RSPH14: variants seen among roughly 807,000 people sequenced by gnomAD.
The protein encoded by RSPH14 is rhabdoid tumor deletion region gene 1.
Under a neutral mutation model 26.7 loss-of-function variants are expected in RSPH14, and 20 were observed. The observed-to-expected ratio is 0.75, with a 90% confidence interval of 0.53 to 1.09. The LOEUF (loss-of-function observed/expected upper bound fraction) is 1.09, where lower values mean the gene tolerates loss of function less well. Ranked by LOEUF, RSPH14 falls within the 50% of genes least tolerant of loss-of-function variation. RSPH14 has a pLI of 0.00. For synonymous variants in RSPH14, 177 were observed against 189.3 expected (o/e 0.93, Z 0.53); for missense variants, 449 against 457.2 (o/e 0.98, Z 0.16).
chr22:23,132,604 C>T (rs2070378128), intron 4 of RSPH14: 1 of 150,440 alleles, frequency 6.6e-6, no homozygotes, highest in Non-Finnish European at 1.5e-5. Flanking sequence ...ACTACACACC[C>T]ACCAAAATAG....
intron 4 of RSPH14, among the ~76,000 whole-genome samples, chr22:23,121,456 T>G (rs2070021633): frequency 6.6e-6 from 1 of 152,188 alleles, no homozygotes; most frequent in Non-Finnish European, 1.5e-5. Context: ...GGGCCCACCC[T>G]GTAGGAGCAG....
intron 4 of RSPH14, among the ~76,000 whole-genome samples, chr22:23,094,609 C>T (rs546419880): frequency 1.8e-4 from 27 of 152,234 alleles, no homozygotes; most frequent in Admixed American, 4.6e-4. Context: ...TGAGGCAGCC[C>T]CTGCCCACTG....
At chr22:23,153,025 C>A in the RSPH14 span, 1 of 1,608,102 alleles carries the variant, frequency 6.2e-7, no homozygotes, top group Non-Finnish European at 8.5e-7. Context: ...CTTCCTCATC[C>A]CCCACAGGTT....
intron 4 of RSPH14, among the ~76,000 whole-genome samples, chr22:23,104,279 C>A (rs2069394371): frequency 6.6e-6 from 1 of 152,164 alleles, no homozygotes; most frequent in Non-Finnish European, 1.5e-5. Context: ...CCCAGTGTGG[C>A]CCAGGGTGGG....
At chr22:23,130,041 GAGAA>G (rs1313437785) in intron 4 of RSPH14, among the ~76,000 whole-genome samples, 17 of 139,422 alleles carry the variant, frequency 1.2e-4, no homozygotes, top group East Asian at 4.1e-4. Flanking sequence ...AGGGAAGGGA[GAGAA>G]AGAAAGAGAA....
At chr22:23,099,243 G>A (rs898346269) in intron 4 of RSPH14, among the ~76,000 whole-genome samples, 1 of 152,280 alleles carries the variant, frequency 6.6e-6, no homozygotes, top group Non-Finnish European at 1.5e-5. Flanking sequence ...TGAGTGCAGG[G>A]CAGCACCTCA....
chr22:23,123,641 A>G lies in RSPH14; in HGVS notation c.421+10385T>C, dbSNP rs141494247. The G allele has an allele frequency of 2.2e-3, 1,310 of 584,030 alleles. 11 individuals carry two copies. Among genetic ancestry groups the G allele is most frequent in the African/African-American group, 0.02 (1,092 of 53,760 alleles). The allele number at this position is 584,030 out of a possible 1,614,324, so 36.2% of individuals were successfully genotyped here. ...GGTAGATAGACACACACACATGCAC[A>G]CACACACATCTGGAGATGGCAAAAT... On this transcript the variant is annotated intron_variant, in intron 4 of 6. Coordinates refer to ENST00000216036, the MANE Select transcript of RSPH14 (RefSeq NM_014433.3).
At chr22:23,159,708 G>A in the RSPH14 span, among the ~76,000 whole-genome samples, 1 of 152,200 alleles carries the variant, frequency 6.6e-6, no homozygotes, top group Non-Finnish European at 1.5e-5. Context: ...TGCCAGGCAT[G>A]TGACATCACC....
chr22:23,154,181 G>A, the RSPH14 span, among the ~76,000 whole-genome samples: 2 of 151,840 alleles, frequency 1.3e-5, no homozygotes, highest in African/African-American at 4.8e-5. Flanking sequence ...GCCTGGGCTC[G>A]GGCCCTCACC....
At chr22:23,124,360 G>A (rs897654405) in intron 4 of RSPH14, 1 of 458,206 alleles carries the variant, frequency 2.2e-6, no homozygotes, top group Non-Finnish European at 4.6e-6. Flanking sequence ...GGCTTGCTGA[G>A]TGTAAAAGTT....
the RSPH14 span, chr22:23,150,152 C>A: frequency 3.9e-5 from 63 of 1,609,450 alleles, no homozygotes; most frequent in Non-Finnish European, 5.3e-5. Flanking sequence ...CGGGGACTGT[C>A]GGGTGAGCCT....
At chr22:23,076,767 G>A (rs2146257323) in intron 4 of RSPH14, among the ~76,000 whole-genome samples, 1 of 152,370 alleles carries the variant, frequency 6.6e-6, no homozygotes, top group African/African-American at 2.4e-5. Context: ...AGGTAGTAAA[G>A]GAACATGATG....
At chr22:23,061,286 G>T (rs1569151253) in intron 6 of RSPH14, among the ~76,000 whole-genome samples, 1 of 152,180 alleles carries the variant, frequency 6.6e-6, no homozygotes, top group Non-Finnish European at 1.5e-5. Context: ...ACAGCCCAGG[G>T]TTCTTCCATG....
At chr22:23,078,075 G>A (rs2068554888) in intron 4 of RSPH14, among the ~76,000 whole-genome samples, 1 of 152,234 alleles carries the variant, frequency 6.6e-6, no homozygotes, top group Non-Finnish European at 1.5e-5. Context: ...TGGCCCTGTA[G>A]AGTGGCTACC....
chr22:23,120,489 GTTTCC>G (rs899390854), intron 4 of RSPH14, among the ~76,000 whole-genome samples: 1 of 152,154 alleles, frequency 6.6e-6, no homozygotes, highest in African/African-American at 2.4e-5. Context: ...CACGTGAACT[GTTTCC>G]GCATCAGTGA....
At chr22:23,171,357 C>T in the RSPH14 span, among the ~76,000 whole-genome samples, 5,283 of 152,216 alleles carry the variant, frequency 0.035, 117 homozygotes, top group Non-Finnish European at 0.052. Flanking sequence ...TGATGCTGAA[C>T]TTAGTGCAGA....
chr22:23,131,080 C>G (rs1569193465), intron 4 of RSPH14: 1 of 153,080 alleles, frequency 6.5e-6, no homozygotes, highest in African/African-American at 2.4e-5. Flanking sequence ...ACAAGCCTGC[C>G]AGCCTGGGAT....
chr22:23,090,842 C>G (rs2068950671), intron 4 of RSPH14, among the ~76,000 whole-genome samples: 1 of 152,222 alleles, frequency 6.6e-6, no homozygotes, highest in Non-Finnish European at 1.5e-5. Context: ...TAGTCTGACT[C>G]CTGCCCTCCC....
chr22:23,157,769 G>A, the RSPH14 span, among the ~76,000 whole-genome samples: 1 of 152,142 alleles, frequency 6.6e-6, no homozygotes, highest in Admixed American at 6.5e-5. Context: ...TGCCTCCCTG[G>A]ATCCCACACT....
Sources: gnomAD v4.1 joint callset for allele counts (sites outside exome capture counted in the v4.1 genomes callset) on GRCh38, gnomAD v4.1.1 for gene constraint, MANE v1.5 for transcripts, NCBI Gene and HGNC (gene_info 2026-07-23, HGNC 2026-07-21) for gene names.